The following DCC variants were observed in gnomAD, a reference collection of about 807,000 sequenced individuals.
DCC encodes the protein DCC netrin 1 receptor, also known as netrin receptor DCC.
In DCC, 58 loss-of-function variants were observed where a neutral mutation model predicts 172.5. The ratio of observed to expected loss-of-function variants is 0.34; its 90% CI spans 0.27 to 0.42. The LOEUF (loss-of-function observed/expected upper bound fraction) is 0.42, where lower values mean the gene tolerates loss of function less well. Among genes scored for constraint, DCC ranks in the 10% least tolerant of loss-of-function variants. The pLI, the probability that DCC is intolerant of heterozygous loss-of-function variation, is 1.00. For missense variants in DCC, 1,740 were observed against 1,791.0 expected, an observed-to-expected ratio of 0.97 and a Z score of 0.51; for synonymous variants, 709 against 644.5, an observed-to-expected ratio of 1.10 and a Z score of -1.52.
At chr18:52,937,322 T>A (rs988487927) in intron 5 of DCC, among the ~76,000 whole-genome samples, 1 of 152,186 alleles carries the variant, frequency 6.6e-6, no homozygotes, top group Non-Finnish European at 1.5e-5. Context: ...GGTGCAAAAG[T>A]AATTGTGGTT....
At chr18:52,740,585 G>C (rs1197874146) in intron 1 of DCC, among the ~76,000 whole-genome samples, 1 of 152,194 alleles carries the variant, frequency 6.6e-6, no homozygotes, top group African/African-American at 2.4e-5. Context: ...CCCTGGACCT[G>C]TCAGACCTTT....
intron 1 of DCC, among the ~76,000 whole-genome samples, chr18:52,370,084 C>T (rs989239894): frequency 6.6e-6 from 1 of 151,872 alleles, no homozygotes; most frequent in Non-Finnish European, 1.5e-5. Context: ...TCTGCAACCT[C>T]ACCAGCATCT....
chr18:53,520,204 G>A (rs1469823857), intron 27 of DCC, among the ~76,000 whole-genome samples: 1 of 152,058 alleles, frequency 6.6e-6, no homozygotes, highest in Non-Finnish European at 1.5e-5. Context: ...AACAGATCGG[G>A]GTTAGGACAA....
intron 2 of DCC, among the ~76,000 whole-genome samples, chr18:52,831,560 AACAGAATTTGATG>A (rs919891792): frequency 2.0e-5 from 3 of 152,146 alleles, no homozygotes; most frequent in Non-Finnish European, 4.4e-5. Context: ...AGCTGAATCA[AACAGAATTTGATG>A]ACAGATTAGA....
intron 1 of DCC, among the ~76,000 whole-genome samples, chr18:52,603,002 A>C (rs2034050359): frequency 6.6e-6 from 1 of 152,088 alleles, no homozygotes; most frequent in Non-Finnish European, 1.5e-5. Flanking sequence ...TTATGTTGAC[A>C]AGAAAAGAGT....
intron 1 of DCC, among the ~76,000 whole-genome samples, chr18:52,536,110 G>T (rs1039203981): frequency 6.6e-6 from 1 of 152,166 alleles, no homozygotes; most frequent in African/African-American, 2.4e-5. Flanking sequence ...AACAAAGTGT[G>T]TGGCTAGAAA....
At chr18:53,012,528 A>C (rs993006672) in intron 5 of DCC, among the ~76,000 whole-genome samples, 4 of 152,088 alleles carry the variant, frequency 2.6e-5, no homozygotes, top group African/African-American at 9.7e-5. Context: ...TTTTAACCAT[A>C]ATAGGGCACA....
intron 27 of DCC, among the ~76,000 whole-genome samples, chr18:53,499,851 C>A (rs932909405): frequency 4.6e-5 from 7 of 152,026 alleles, no homozygotes; most frequent in Non-Finnish European, 1.0e-4. Flanking sequence ...GAGTTCTAAG[C>A]GTTAAAGCTA....
chr18:53,196,269 C>G (rs1434691149), intron 9 of DCC, among the ~76,000 whole-genome samples: 1 of 152,150 alleles, frequency 6.6e-6, no homozygotes, highest in Non-Finnish European at 1.5e-5. Flanking sequence ...GAAATCAGCA[C>G]TTGAAACAAT....
intron 15 of DCC, among the ~76,000 whole-genome samples, chr18:53,355,684 G>T (rs2057870170): frequency 6.6e-6 from 1 of 152,124 alleles, no homozygotes; most frequent in Non-Finnish European, 1.5e-5. Context: ...AGACAATGGG[G>T]TTTTCTAACT....
At chr18:52,372,577 C>T (rs943854489) in intron 1 of DCC, among the ~76,000 whole-genome samples, 3 of 152,130 alleles carry the variant, frequency 2.0e-5, no homozygotes, top group Non-Finnish European at 2.9e-5. Flanking sequence ...CTGAATATAT[C>T]TTTATGTGTA....
intron 22 of DCC, among the ~76,000 whole-genome samples, chr18:53,444,084 C>T (rs1444807704): frequency 4.6e-5 from 7 of 152,140 alleles, no homozygotes; most frequent in Non-Finnish European, 8.8e-5. Flanking sequence ...ATTACGTAAA[C>T]TTAGTTGATA....
intron 12 of DCC, among the ~76,000 whole-genome samples, chr18:53,261,435 G>A (rs149873633): frequency 6.6e-6 from 1 of 152,108 alleles, no homozygotes; most frequent in Non-Finnish European, 1.5e-5. Flanking sequence ...TTTGGCCAGG[G>A]CTCAGTTTCA....
At chr18:53,027,860 C>T (rs947155544) in intron 5 of DCC, among the ~76,000 whole-genome samples, 2 of 151,718 alleles carry the variant, frequency 1.3e-5, no homozygotes, top group Non-Finnish European at 2.9e-5. Flanking sequence ...GAGAATCTGG[C>T]CAAGGGGAGA....
At position 53,086,496 on chromosome 18, in the gene DCC, TCTTC is replaced by T. The variant is rs574062887; in HGVS notation, c.1261+20334_1261+20337del. Among the ~76,000 whole-genome samples, 193 of 53,048 alleles carry T rather than the reference TCTTC, an allele frequency of 3.6e-3. 56 individuals carry two copies. Among genetic ancestry groups the T allele is most frequent in the South Asian group, 0.019 (46 of 2,474 alleles). 34.8% of individuals were successfully genotyped at this position (53,048 alleles called of 152,430 possible). On this transcript the variant is annotated intron_variant, in intron 7 of 28. Transcript: ENST00000442544. ...TTCCTTTCTTCTTCTTCTTTCTTCTTCTTCCTTTCTTCTTCTTCTTCTTTCTTCT... is the reference window on the plus strand; with the variant it reads ...TTCCTTTCTTCTTCTTCTTTCTTCTTCTTTCTTCTTCTTCTTCTTTCTTCT...
At chr18:53,075,955 A>T (rs890461848) in intron 7 of DCC, among the ~76,000 whole-genome samples, 2 of 152,038 alleles carry the variant, frequency 1.3e-5, no homozygotes, top group East Asian at 3.9e-4. Flanking sequence ...TCTGTGGCTT[A>T]CCCAAATTCC....
intron 1 of DCC, among the ~76,000 whole-genome samples, chr18:52,513,234 A>G (rs935928007): frequency 2.0e-5 from 3 of 152,180 alleles, no homozygotes; most frequent in Non-Finnish European, 2.9e-5. Context: ...CATAATACAA[A>G]CACCTTACAT....
At chr18:52,547,711 G>T (rs948633342) in intron 1 of DCC, among the ~76,000 whole-genome samples, 1 of 152,114 alleles carries the variant, frequency 6.6e-6, no homozygotes, top group Non-Finnish European at 1.5e-5. Flanking sequence ...AAAATGAAAA[G>T]AGGGGGCATG....
At chr18:52,957,877 G>T (rs1568211075) in intron 5 of DCC, among the ~76,000 whole-genome samples, 3 of 152,154 alleles carry the variant, frequency 2.0e-5, no homozygotes. Flanking sequence ...ACACCAAGAT[G>T]TCATGGATAG....
Sources: allele counts gnomAD v4.1 joint callset (sites outside exome capture counted in the v4.1 genomes callset), GRCh38; gene constraint gnomAD v4.1.1; transcripts MANE v1.5; gene names NCBI Gene and HGNC (gene_info 2026-07-23, HGNC 2026-07-21).